The following PDXK variants were observed in gnomAD, a reference collection of about 807,000 sequenced individuals.
The protein encoded by PDXK is epididymis secretory sperm binding protein Li 1a.
PDXK carries 15 observed loss-of-function variants against 43.2 expected under a neutral mutation model. The observed-to-expected ratio is 0.35, with a 90% CI of 0.23 to 0.53. The LOEUF is 0.53. Among genes scored for constraint, PDXK ranks in the 20% least tolerant of loss-of-function variants. The pLI, the probability that PDXK is intolerant of heterozygous loss-of-function variation, is 0.92. For missense variants in PDXK, 343 were observed against 417.0 expected (o/e 0.82, Z 1.54); for synonymous variants, 172 against 165.4 (o/e 1.04, Z -0.31).
At chr21:43,719,403 G>A (rs1168823812) in intron 1 of PDXK, 22 bp downstream of exon 1, 2 of 1,515,412 alleles carry the variant, frequency 1.3e-6, no homozygotes, top group South Asian at 1.2e-5. Context: ...CCCGCAGCCC[G>A]GGCTTACGTA....
rs989137428 is a variant in PDXK at position 43,735,376 on chromosome 21, T to G, written c.142+1253T>G. ...GGTTCAACATCCACACCGACCCGGC[T>G]GCCCTTGCATGGATTCCAGGTTGCG... On this transcript the variant is annotated intron_variant, in intron 2 of 10. Transcript: ENST00000291565. The surrounding 1 kb of genome is among the most constrained non-coding windows in gnomAD (Gnocchi z 5.3). 2.0e-5 allele frequency among the ~76,000 whole-genome samples: 3 copies of G among 152,390 alleles called. No individual in the cohort carries two copies. The highest frequency in any genetic ancestry group is 7.2e-5 in the African/African-American group (3 of 41,600).
chr21:43,730,539 A>G (rs906316837), intron 1 of PDXK, among the ~76,000 whole-genome samples: 5 of 152,240 alleles, frequency 3.3e-5, no homozygotes, highest in African/African-American at 1.2e-4. Flanking sequence ...AGCCTCTGTC[A>G]TGTAGCGTTC....
In PDXK at chr21:43,759,013, G is replaced by A. The variant is rs944724840; in HGVS notation, c.*2950G>A. On this transcript the variant is annotated 3_prime_UTR_variant, in exon 11 of 11. Transcript: ENST00000291565. ...GTTTTGAAACGTTTGGTCTTACCGTGAACGGAGGCTGGCTTGGCTTAGCCA... is the reference window on the plus strand; with the variant it reads ...GTTTTGAAACGTTTGGTCTTACCGTAAACGGAGGCTGGCTTGGCTTAGCCA... 5.3e-5 allele frequency: 8 copies of A among 152,232 alleles called. No homozygotes were observed. The highest frequency in any genetic ancestry group is 1.7e-4 in the African/African-American group (7 of 41,438). 9.4% of individuals were successfully genotyped at this position (152,232 alleles called of 1,614,324 possible). A position where few individuals can be genotyped will look rare whatever the true frequency, so the allele number is the denominator to read the frequency against.
At position 43,750,392 on chromosome 21, in the gene PDXK, G is replaced by C; in HGVS notation, c.465-108G>C. On this transcript the variant is annotated intron_variant, in intron 6 of 10. Transcript: ENST00000291565. ...CCAGTGGACGAAGAGTTAGCTGCCT[G>C]TGGGGATGGGGATTTCCAGAGCCGC... 1.0e-5 allele frequency: 10 copies of C among 971,914 alleles called. No individual in the cohort carries two copies. The South Asian group carries it at 1.2e-4, about 12-fold the overall frequency. The allele number at this position is 971,914 out of a possible 1,614,324, so 60.2% of individuals were successfully genotyped here.
In PDXK at chr21:43,756,751, G is replaced by A. The variant is rs1211222442; in HGVS notation, c.*688G>A. The A allele has an allele frequency of 2.0e-5, 3 of 152,210 alleles. No individual in the cohort carries two copies. The highest frequency in any genetic ancestry group is 1.9e-4 in the East Asian group (1 of 5,184). The allele number at this position is 152,210 out of a possible 1,614,324, so 9.4% of individuals were successfully genotyped here. A position where few individuals can be genotyped will look rare whatever the true frequency, so the allele number is the denominator to read the frequency against. ...GTCTGCAGACCTCTCAGCTACCCGCGGGACCTCTTGTAACCCATCGGCATC... is the reference window on the plus strand; with the variant it reads ...GTCTGCAGACCTCTCAGCTACCCGCAGGACCTCTTGTAACCCATCGGCATC... On this transcript the variant is annotated 3_prime_UTR_variant, in exon 11 of 11. Transcript: ENST00000291565.
At chr21:43,740,744 A>G (rs8131188) in intron 2 of PDXK, among the ~76,000 whole-genome samples, 8,791 of 151,930 alleles carry the variant, frequency 0.058, 897 homozygotes, top group African/African-American at 0.2. Context: ...GGCAGGTTGT[A>G]TACACCTGGG....
intron 2 of PDXK, among the ~76,000 whole-genome samples, chr21:43,739,663 C>T (rs2083460281): frequency 6.6e-6 from 1 of 151,640 alleles, no homozygotes; most frequent in Non-Finnish European, 1.5e-5. Flanking sequence ...GATGGGGGAA[C>T]CACCCCCATG....
In PDXK at chr21:43,748,851, C is replaced by T. The variant is rs183813749; in HGVS notation, c.379-144C>T. On this transcript the variant is annotated intron_variant, in intron 5 of 10. Coordinates refer to ENST00000291565, the MANE Select transcript of PDXK (RefSeq NM_003681.5). ...TGTCCCCGTGGTGGGAACAACTTATCGCTACAGTCGGGGGGCCTGGCCCCT... is the reference window on the plus strand; with the variant it reads ...TGTCCCCGTGGTGGGAACAACTTATTGCTACAGTCGGGGGGCCTGGCCCCT... 1.1e-4 allele frequency: 71 copies of T among 623,740 alleles called. No individual in the cohort carries two copies. The Admixed American group carries it at 1.8e-3, about 15-fold the overall frequency. 38.6% of individuals were successfully genotyped at this position (623,740 alleles called of 1,614,324 possible).
At chr21:43,744,213 CA>C (rs1425220499) in intron 4 of PDXK, among the ~76,000 whole-genome samples, 1 of 150,894 alleles carries the variant, frequency 6.6e-6, no homozygotes, top group Non-Finnish European at 1.5e-5. Context: ...CAGGCAGGGC[CA>C]GGCTAGGGAG....
chr21:43,749,517 G>A (rs2083697747), intron 6 of PDXK, among the ~76,000 whole-genome samples: 1 of 152,272 alleles, frequency 6.6e-6, no homozygotes, highest in Non-Finnish European at 1.5e-5. Flanking sequence ...AGCTTACGAA[G>A]TGGTTCTCAG....
At chr21:43,729,072 C>T in intron 1 of PDXK, 5 of 954,198 alleles carry the variant, frequency 5.2e-6, no homozygotes, top group African/African-American at 1.8e-5. Context: ...CCACCCCGCA[C>T]CCGCCCGCCC....
chr21:43,750,818 CCATGTGTG>C (rs1312345017), intron 7 of PDXK, among the ~76,000 whole-genome samples: 50 of 144,418 alleles, frequency 3.5e-4, no homozygotes, highest in Admixed American at 3.1e-3. Context: ...GTGCGCGCAC[CCATGTGTG>C]CATGTGTGCA....
At chr21:43,722,005 G>A (rs1037068668) in intron 1 of PDXK, 2 of 152,702 alleles carry the variant, frequency 1.3e-5, no homozygotes, top group African/African-American at 4.8e-5. Context: ...GGGGTTTGCA[G>A]ATAGAACGCA....
rs2083222120 is a variant in PDXK, at chr21:43,723,157, C to CA, written c.87+3776_87+3777insA. ...CCTGGCCTTCTTTTTCTTTTTCTTT[C>CA]TTTTTTTTTTTTTTGAGACGAGGGT... On this transcript the variant is annotated intron_variant, in intron 1 of 10. Transcript: ENST00000291565. This position sits in a 1 kb window ranked among gnomAD's most constrained non-coding sequence, Gnocchi z 4.1. Among the ~76,000 whole-genome samples the CA allele has an allele frequency of 7.3e-6, 1 of 136,576 alleles. No individual in the cohort carries two copies. The allele number at this position is 136,576 out of a possible 152,430, so 89.6% of individuals were successfully genotyped here. A position where few individuals can be genotyped will look rare whatever the true frequency, so the allele number is the denominator to read the frequency against.
At position 43,732,872 on chromosome 21, in the gene PDXK, G is replaced by A. The variant is rs1261227173; in HGVS notation, c.88-1197G>A. 1.3e-5 allele frequency among the ~76,000 whole-genome samples: 2 copies of A among 151,952 alleles called. No individual in the cohort carries two copies. The highest frequency in any genetic ancestry group is 2.9e-5 in the Non-Finnish European group (2 of 67,982). On this transcript the variant is annotated intron_variant, in intron 1 of 10. Transcript: ENST00000291565. This position sits in a 1 kb window ranked among gnomAD's most constrained non-coding sequence, Gnocchi z 4.1. ...AGTGATCCTCCCACCTCAGCCTCCC[G>A]AGTAGCTGGGACTACAGACATGTGC...
chr21:43,751,965 G>A (rs2083757834), intron 7 of PDXK, among the ~76,000 whole-genome samples: 1 of 152,174 alleles, frequency 6.6e-6, no homozygotes, highest in African/African-American at 2.4e-5. Context: ...CTGAGAATGG[G>A]CCACTGCAGC....
intron 9 of PDXK, 76 bp downstream of exon 9, chr21:43,753,795 T>C: frequency 6.7e-7 from 1 of 1,481,492 alleles, no homozygotes; most frequent in Non-Finnish European, 9.1e-7. Context: ...AGAGTCCTGG[T>C]GGGGGGTCCC....
At position 43,755,702 on chromosome 21, in the gene PDXK, C is replaced by A; in HGVS notation, c.764C>A (p.Ala255Asp). 6.2e-7 allele frequency: 1 copy of A among 1,613,326 alleles called. No individual in the cohort carries two copies. The highest frequency in any genetic ancestry group is 8.5e-7 in the Non-Finnish European group (1 of 1,179,330). The change falls in exon 10 of 11, where the codon GCC becomes GAC. Residue 255 changes from alanine (A) to aspartate (D), a missense_variant. Ala to Asp is a moderately radical substitution (Grantham distance 126, BLOSUM62 -2). Transcript: ENST00000291565. Reference protein sequence around the residue: ...THKHPNNLKVACEKTVSTLHH... With the variant: ...THKHPNNLKVDCEKTVSTLHH... ...GCAAGTCTGTCCTCCCTGCAGGTGG[C>A]CTGTGAGAAGACCGTGTCTACCTTG...
In PDXK at chr21:43,755,777, G is replaced by A. The variant is rs747021215; in HGVS notation, c.826+13G>A. The A allele has an allele frequency of 6.2e-7, 1 of 1,610,132 alleles. No individual in the cohort carries two copies. Among genetic ancestry groups the A allele is most frequent in the Non-Finnish European group, 8.5e-7 (1 of 1,176,586 alleles). ...CAGTGTGCAAAAGGTACGGCGGCCG[G>A]GCTGCATGGGCTGCGTGGGCTCCTG... is the stretch of plus-strand genomic sequence containing the variant. On this transcript the variant is annotated intron_variant, in intron 10 of 10. Coordinates refer to ENST00000291565, the MANE Select transcript of PDXK (RefSeq NM_003681.5).
Sources: gnomAD v4.1 joint callset for allele counts (sites outside exome capture counted in the v4.1 genomes callset) on GRCh38, gnomAD v4.1.1 for gene constraint, Gnocchi (gnomAD v3.1) non-coding constraint, MANE v1.5 for transcripts, NCBI Gene and HGNC (gene_info 2026-07-23, HGNC 2026-07-21) for gene names.